Variants in KCND3 observed in about 807,000 individuals in gnomAD.
KCND3 encodes A-type voltage-gated potassium channel KCND3.
In KCND3, 9 loss-of-function variants were observed where a neutral mutation model predicts 51.1. The ratio of observed to expected loss-of-function variants is 0.18; its 90% CI spans 0.11 to 0.31. The LOEUF is 0.31. Among genes scored for constraint, KCND3 ranks in the 10% least tolerant of loss-of-function variants. The probability of loss-of-function intolerance (pLI) is 1.00; values close to 1 mark genes in which losing one functional copy is unlikely to be tolerated. For synonymous variants in KCND3, 349 were observed against 368.0 expected (o/e 0.95, Z 0.59); for missense variants, 526 against 903.8 (o/e 0.58, Z 5.36).
At chr1:111,825,206 G>A (rs972781983) in intron 2 of KCND3, among the ~76,000 whole-genome samples, 5 of 152,188 alleles carry the variant, frequency 3.3e-5, no homozygotes, top group Non-Finnish European at 5.9e-5. Flanking sequence ...CACACTTTGG[G>A]AAGTGGTGGA....
intron 2 of KCND3, among the ~76,000 whole-genome samples, chr1:111,926,764 T>C (rs1671716216): frequency 6.6e-6 from 1 of 152,254 alleles, no homozygotes; most frequent in South Asian, 2.1e-4. Context: ...GAATTCTTGT[T>C]CATCGCTCGG....
At position 111,922,794 on chromosome 1, in the gene KCND3, C is replaced by A. The variant is rs75511572; in HGVS notation, c.1106+58827G>T. On this transcript the variant is annotated intron_variant, in intron 2 of 7. Coordinates refer to ENST00000302127, the MANE Select transcript of KCND3 (RefSeq NM_001378969.1). ...GTGTGATTTCAGGCAAGTTACTTGA[C>A]CTTTCTGAGCTAGAGTTGCCTCATC... Among the ~76,000 whole-genome samples the A allele has an allele frequency of 5.8e-4, 88 of 152,320 alleles. 2 individuals carry two copies. The East Asian group carries it at 0.015, about 26-fold the overall frequency.
chr1:111,917,590 G>C (rs1192499974), intron 2 of KCND3, among the ~76,000 whole-genome samples: 5 of 152,188 alleles, frequency 3.3e-5, no homozygotes, highest in Non-Finnish European at 7.3e-5. Flanking sequence ...GAATCGGGGA[G>C]GGCCATTGGA....
At chr1:111,785,155 G>A (rs1664552609) in intron 3 of KCND3, among the ~76,000 whole-genome samples, 1 of 152,166 alleles carries the variant, frequency 6.6e-6, no homozygotes, top group Non-Finnish European at 1.5e-5. Context: ...GCACAGCCGT[G>A]GGCTAGTGTG....
chr1:111,843,409 G>A (rs1171890155), intron 2 of KCND3, among the ~76,000 whole-genome samples: 1 of 152,212 alleles, frequency 6.6e-6, no homozygotes, highest in Non-Finnish European at 1.5e-5. Context: ...CCTCCAGATG[G>A]CATGGGCCCC....
chr1:111,778,359 G>C lies in KCND3; in HGVS notation c.1518+77C>G, dbSNP rs1022357955. The C allele has an allele frequency of 7.4e-6, 10 of 1,351,190 alleles. No individual in the cohort carries two copies. The East Asian group carries it at 1.8e-4, about 25-fold the overall frequency. The allele number at this position is 1,351,190 out of a possible 1,614,324, so 83.7% of individuals were successfully genotyped here. ...CAGCACATGCACAGAACCAGGCCGGGGGGTAAAAAGGGGAGAATCCACAGA... is the reference window on the plus strand; with the variant it reads ...CAGCACATGCACAGAACCAGGCCGGCGGGTAAAAAGGGGAGAATCCACAGA... On this transcript the variant is annotated intron_variant, in intron 6 of 7. Transcript: ENST00000302127.
chr1:111,934,417 T>C (rs560209207), intron 2 of KCND3, among the ~76,000 whole-genome samples: 52 of 152,266 alleles, frequency 3.4e-4, no homozygotes, highest in African/African-American at 1.2e-3. Context: ...TGATGACCAA[T>C]AGGATCAGAG....
chr1:111,953,890 C>A (rs888392353), intron 2 of KCND3, among the ~76,000 whole-genome samples: 1 of 152,168 alleles, frequency 6.6e-6, no homozygotes, highest in African/African-American at 2.4e-5. Context: ...GGGCGTTTTC[C>A]CTCCTGCTCC....
At chr1:111,866,120 TA>T (rs1668553361) in intron 2 of KCND3, among the ~76,000 whole-genome samples, 1 of 152,260 alleles carries the variant, frequency 6.6e-6, no homozygotes, top group Non-Finnish European at 1.5e-5. Context: ...TTTAGTAGAT[TA>T]TTTTTTAAGA....
chr1:111,973,587 A>G (rs1219562716), intron 2 of KCND3, among the ~76,000 whole-genome samples: 1 of 152,122 alleles, frequency 6.6e-6, no homozygotes, highest in South Asian at 2.1e-4. Context: ...TGATAGCTAG[A>G]TAATGTAGGG....
At position 111,773,304 on chromosome 1, in the gene KCND3, C is replaced by T. The variant is rs914580285; in HGVS notation, c.*2773G>A. 6.6e-6 allele frequency: 1 copy of T among 152,092 alleles called. No homozygotes were observed. Among genetic ancestry groups the T allele is most frequent in the African/African-American group, 2.4e-5 (1 of 41,404 alleles). 9.4% of individuals were successfully genotyped at this position (152,092 alleles called of 1,614,324 possible). A position where few individuals can be genotyped will look rare whatever the true frequency, so the allele number is the denominator to read the frequency against. ...AATGTTCCCTTGGTGCCCTATCAAA[C>T]AGATCCTTTGTTGAATCTGTCACTA... is the stretch of plus-strand genomic sequence containing the variant. On this transcript the variant is annotated 3_prime_UTR_variant, in exon 8 of 8. Transcript: ENST00000302127.
chr1:111,965,949 G>T (rs1340443903), intron 2 of KCND3, among the ~76,000 whole-genome samples: 1 of 152,152 alleles, frequency 6.6e-6, no homozygotes, highest in East Asian at 1.9e-4. Flanking sequence ...AATTGCCCCG[G>T]CTTTGGGGAG....
intron 2 of KCND3, among the ~76,000 whole-genome samples, chr1:111,838,485 G>A (rs1018832505): frequency 1.5e-4 from 23 of 152,024 alleles, no homozygotes; most frequent in South Asian, 6.2e-4. Flanking sequence ...GTGAAACCCC[G>A]TCTCTACTAA....
chr1:111,884,953 C>A (rs938063264), intron 2 of KCND3, among the ~76,000 whole-genome samples: 12 of 152,156 alleles, frequency 7.9e-5, no homozygotes, highest in African/African-American at 2.9e-4. Context: ...TTCAGCAGCA[C>A]CCTGGCCTCT....
rs766769240 is a variant in KCND3, at chr1:111,778,505, A to G, written c.1462-13T>C. 5.6e-6 allele frequency: 9 copies of G among 1,612,952 alleles called. No homozygotes were observed. The highest frequency in any genetic ancestry group is 3.3e-5 in the Admixed American group (2 of 60,006). On this transcript the variant is annotated splice_polypyrimidine_tract_variant and intron_variant, in intron 5 of 7. Coordinates refer to ENST00000302127, the MANE Select transcript of KCND3 (RefSeq NM_001378969.1). ...GATAGGACAACCCCTACAGGACAAC[A>G]TGCCAACAGAAGATAAAAACACCAT...
At chr1:111,787,335 T>C (rs1019610806) in intron 2 of KCND3, among the ~76,000 whole-genome samples, 6 of 152,190 alleles carry the variant, frequency 3.9e-5, no homozygotes, top group African/African-American at 1.4e-4. Flanking sequence ...ATTAAGTGAA[T>C]ACATAAAAAT....
intron 2 of KCND3, among the ~76,000 whole-genome samples, chr1:111,890,227 A>G (rs577948820): frequency 7.9e-5 from 12 of 152,312 alleles, no homozygotes; most frequent in South Asian, 2.1e-4. Flanking sequence ...GCAAGTGAAG[A>G]CCAGCTAGGA....
chr1:111,840,254 T>C lies in KCND3; in HGVS notation c.1107-53148A>G, dbSNP rs893054328. 2.0e-5 allele frequency among the ~76,000 whole-genome samples: 3 copies of C among 152,274 alleles called. No individual in the cohort carries two copies. In the East Asian group the frequency reaches 5.8e-4, roughly 29 times the overall value. ...AATTCGGTTCCAACATATGAACTTT[T>C]TGGGGACACAACACTGGCCTCAGAC... On this transcript the variant is annotated intron_variant, in intron 2 of 7. Transcript: ENST00000302127.
chr1:111,878,998 G>A (rs1042429486), intron 2 of KCND3, among the ~76,000 whole-genome samples: 2 of 152,210 alleles, frequency 1.3e-5, no homozygotes, highest in Non-Finnish European at 2.9e-5. Flanking sequence ...CTGCAAAGAA[G>A]AGAAAATTCT....
Sources: gnomAD v4.1 joint callset for allele counts (sites outside exome capture counted in the v4.1 genomes callset) on GRCh38, gnomAD v4.1.1 for gene constraint, MANE v1.5 for transcripts, NCBI Gene and HGNC (gene_info 2026-07-23, HGNC 2026-07-21) for gene names.